DLGAP2: variants seen among roughly 807,000 people sequenced by gnomAD.
DLGAP2 encodes DLG associated protein 2.
In DLGAP2, 26 loss-of-function variants were observed where a neutral mutation model predicts 100.3. The ratio of observed to expected loss-of-function variants is 0.26; its 90% confidence interval spans 0.19 to 0.36. The LOEUF is 0.36. Among genes scored for constraint, DLGAP2 ranks in the 10% least tolerant of loss-of-function variants. The probability of loss-of-function intolerance (pLI) is 1.00; values close to 1 mark genes in which losing one functional copy is unlikely to be tolerated. For synonymous variants in DLGAP2, 886 were observed against 630.1 expected (o/e 1.41, Z -6.08); for missense variants, 1,858 against 1,453.2 (o/e 1.28, Z -4.53).
chr8:1,122,362 C>G (rs1293919191), intron 2 of DLGAP2, among the ~76,000 whole-genome samples: 1 of 152,152 alleles, frequency 6.6e-6, no homozygotes, highest in East Asian at 1.9e-4. Context: ...TTCTAAATGG[C>G]TTTCCCTAGG....
chr8:1,245,143 T>C (rs947280552), intron 2 of DLGAP2, among the ~76,000 whole-genome samples: 1 of 152,214 alleles, frequency 6.6e-6, no homozygotes, highest in Non-Finnish European at 1.5e-5. Context: ...ACACGACCTT[T>C]GGGAATAGAA....
chr8:1,033,917 C>T (rs372546938), intron 2 of DLGAP2, among the ~76,000 whole-genome samples: 1 of 98,084 alleles, frequency 1.0e-5, no homozygotes, highest in East Asian at 3.4e-4. Context: ...CACCCTCATC[C>T]CGACCCCATG....
intron 2 of DLGAP2, among the ~76,000 whole-genome samples, chr8:1,137,970 C>A (rs1181737848): frequency 6.6e-6 from 1 of 152,078 alleles, no homozygotes; most frequent in Non-Finnish European, 1.5e-5. Flanking sequence ...CTCCTGGCCT[C>A]AAGCAATCCA....
chr8:1,601,869 A>C (rs1796635720), intron 6 of DLGAP2, among the ~76,000 whole-genome samples: 1 of 151,986 alleles, frequency 6.6e-6, no homozygotes, highest in Non-Finnish European at 1.5e-5. Context: ...GCACCTGTTC[A>C]GTGAGACATT....
intron 8 of DLGAP2, among the ~76,000 whole-genome samples, chr8:1,638,628 A>C (rs1797825640): frequency 6.6e-6 from 1 of 152,050 alleles, no homozygotes; most frequent in Middle Eastern, 3.2e-3. Flanking sequence ...CAGGTGCAGG[A>C]ATGGCTTTCA....
intron 1 of DLGAP2, among the ~76,000 whole-genome samples, chr8:869,053 A>G (rs1186067892): frequency 6.6e-6 from 1 of 152,230 alleles, no homozygotes; most frequent in Non-Finnish European, 1.5e-5. Context: ...GTACCAAGTC[A>G]GAAAGCAAGT....
intron 2 of DLGAP2, among the ~76,000 whole-genome samples, chr8:1,172,704 A>G (rs998266666): frequency 3.9e-5 from 6 of 152,038 alleles, no homozygotes; most frequent in African/African-American, 2.4e-5. Flanking sequence ...CATTCTTCAC[A>G]TAGTTCCCGA....
chr8:1,586,884 A>C (rs892056508), intron 6 of DLGAP2, among the ~76,000 whole-genome samples: 9 of 152,212 alleles, frequency 5.9e-5, no homozygotes, highest in Non-Finnish European at 1.2e-4. Context: ...TTTTCTGGGC[A>C]TGTGGCTCCC....
intron 1 of DLGAP2, among the ~76,000 whole-genome samples, chr8:792,480 C>T (rs982455812): frequency 6.6e-6 from 1 of 152,156 alleles, no homozygotes; most frequent in Non-Finnish European, 1.5e-5. Context: ...AAAAACGGTT[C>T]TAATGTTTCA....
chr8:1,162,994 A>G (rs1452641344), intron 2 of DLGAP2, among the ~76,000 whole-genome samples: 1 of 152,162 alleles, frequency 6.6e-6, no homozygotes. Flanking sequence ...CCCTCAAGGA[A>G]TCCCATCCAC....
chr8:1,287,513 A>T (rs1483624730), intron 3 of DLGAP2, among the ~76,000 whole-genome samples: 3 of 69,490 alleles, frequency 4.3e-5, no homozygotes, highest in African/African-American at 1.4e-4. Context: ...TTAGGAGGGG[A>T]ACTAGTTTTG....
Position 1,240,908 on chromosome 8 carries a change from C to G in DLGAP2, c.74-17943C>G, listed in dbSNP as rs754657540. ...CACACAGAGTATCGTGTCTAGTTCT[C>G]TCACATGGCACTGTGTCTAGTTCTC... On this transcript the variant is annotated intron_variant, in intron 2 of 14. Coordinates refer to ENST00000637795, the MANE Select transcript of DLGAP2 (RefSeq NM_001346810.2). 2.8e-3 allele frequency among the ~76,000 whole-genome samples: 19 copies of G among 6,796 alleles called. 2 individuals carry two copies. Among genetic ancestry groups the G allele is most frequent in the Non-Finnish European group, 5.0e-3 (12 of 2,408 alleles). The allele number at this position is 6,796 out of a possible 152,430, so 4.5% of individuals were successfully genotyped here.
chr8:1,382,084 C>T (rs1050362345), intron 3 of DLGAP2, among the ~76,000 whole-genome samples: 2 of 152,166 alleles, frequency 1.3e-5, no homozygotes, highest in Non-Finnish European at 2.9e-5. Flanking sequence ...TAACTTTTGA[C>T]TCCCCCAGAC....
rs546331150 is a variant in DLGAP2, at chr8:770,657, C to T, written c.18+32832C>T. Among the ~76,000 whole-genome samples, 5 of 152,226 alleles carry T rather than the reference C, an allele frequency of 3.3e-5. No individual in the cohort carries two copies. In the East Asian group the frequency reaches 9.7e-4, roughly 30 times the overall value. On this transcript the variant is annotated intron_variant, in intron 1 of 14. Transcript: ENST00000637795. ...CGAGGAAGATTCGGTGGCGTCTCTCCTTCGTGCTGACCTCCTGCTTCTGGC... is the reference window on the plus strand; with the variant it reads ...CGAGGAAGATTCGGTGGCGTCTCTCTTTCGTGCTGACCTCCTGCTTCTGGC...
chr8:1,076,042 A>G (rs1803597389), intron 2 of DLGAP2, among the ~76,000 whole-genome samples: 4 of 152,194 alleles, frequency 2.6e-5, no homozygotes, highest in Admixed American at 2.6e-4. Context: ...TCTCAAAGAG[A>G]AAGAGGAATT....
intron 8 of DLGAP2, among the ~76,000 whole-genome samples, chr8:1,664,158 CA>C (rs1419201251): frequency 4.4e-4 from 67 of 152,298 alleles, no homozygotes; most frequent in African/African-American, 1.5e-3. Context: ...AGGCCATGCC[CA>C]CTGGCCTTCC....
intron 2 of DLGAP2, among the ~76,000 whole-genome samples, chr8:1,066,866 C>T (rs943204417): frequency 1.3e-5 from 2 of 152,216 alleles, no homozygotes; most frequent in Non-Finnish European, 2.9e-5. Flanking sequence ...AGTATAGTCT[C>T]AGTCCCAATT....
chr8:1,316,088 G>A (rs1800739202), intron 3 of DLGAP2, among the ~76,000 whole-genome samples: 1 of 134,950 alleles, frequency 7.4e-6, no homozygotes, highest in African/African-American at 2.7e-5. Flanking sequence ...CTCCCACAGT[G>A]GTCTACACTC....
intron 2 of DLGAP2, among the ~76,000 whole-genome samples, chr8:953,562 T>G (rs1016410571): frequency 8.5e-5 from 13 of 152,238 alleles, no homozygotes; most frequent in African/African-American, 2.7e-4. Context: ...CTTTCAGTTG[T>G]TTTTCTGAAA....
Sources: gnomAD v4.1 joint callset for allele counts (sites outside exome capture counted in the v4.1 genomes callset) on GRCh38, gnomAD v4.1.1 for gene constraint, MANE v1.5 for transcripts, NCBI Gene and HGNC (gene_info 2026-07-23, HGNC 2026-07-21) for gene names.